The following RBMS3 variants were observed in gnomAD, a reference collection of about 807,000 sequenced individuals.
RBMS3 encodes the protein RNA-binding motif, single-stranded-interacting protein 3.
A neutral mutation model predicts 66.8 loss-of-function variants in RBMS3; 27 were observed. The ratio of observed to expected loss-of-function variants is 0.40; its 90% CI spans 0.30 to 0.56. The LOEUF is 0.56. Among genes scored for constraint, RBMS3 ranks in the 20% least tolerant of loss-of-function variants. RBMS3 has a pLI of 0.40. For missense variants in RBMS3, 513 were observed against 549.5 expected (o/e 0.93, Z 0.66); for synonymous variants, 188 against 183.0 (o/e 1.03, Z -0.22).
intron 3 of RBMS3, among the ~76,000 whole-genome samples, chr3:29,521,387 T>C (rs1414114336): frequency 6.6e-6 from 1 of 152,154 alleles, no homozygotes; most frequent in African/African-American, 2.4e-5. Context: ...AGCAGGAAAA[T>C]ATAACTTCTG....
intron 12 of RBMS3, among the ~76,000 whole-genome samples, chr3:29,963,151 A>G (rs1211925156): frequency 6.6e-6 from 1 of 152,064 alleles, no homozygotes; most frequent in Admixed American, 6.6e-5. Context: ...AATTTGATTT[A>G]TCTTTTGGTC....
At chr3:29,723,449 A>G (rs908563113) in intron 4 of RBMS3, among the ~76,000 whole-genome samples, 4 of 152,190 alleles carry the variant, frequency 2.6e-5, no homozygotes, top group Non-Finnish European at 4.4e-5. Flanking sequence ...TCACTTATAT[A>G]AGAAGGAACT....
chr3:29,607,170 TTTATGA>T (rs1443825521), intron 4 of RBMS3, among the ~76,000 whole-genome samples: 1 of 152,022 alleles, frequency 6.6e-6, no homozygotes, highest in African/African-American at 2.4e-5. Flanking sequence ...ATTTTAGATA[TTTATGA>T]TTATTGAGAT....
intron 10 of RBMS3, among the ~76,000 whole-genome samples, chr3:29,905,668 A>G (rs1054681817): frequency 6.6e-6 from 1 of 152,100 alleles, no homozygotes; most frequent in Non-Finnish European, 1.5e-5. Flanking sequence ...GAGGTGTCCA[A>G]TATTTTGGCT....
In RBMS3 at chr3:29,867,511, G is replaced by A. The variant is rs549664498; in HGVS notation, c.638-1347G>A. ...GGCTGGCATTGGATGATCTAGTATGGCCTTGGCTGGAATGTTAGCATGTTA... is the reference window on the plus strand; with the variant it reads ...GGCTGGCATTGGATGATCTAGTATGACCTTGGCTGGAATGTTAGCATGTTA... On this transcript the variant is annotated intron_variant, in intron 6 of 14. Transcript: ENST00000383767. Among the ~76,000 whole-genome samples, 6 of 141,370 alleles carry A rather than the reference G, an allele frequency of 4.2e-5. No homozygotes were observed. In the South Asian group the frequency reaches 1.6e-3, roughly 37 times the overall value. The allele number at this position is 141,370 out of a possible 152,430, so 92.7% of individuals were successfully genotyped here.
At chr3:29,651,760 T>G (rs185323038) in intron 4 of RBMS3, among the ~76,000 whole-genome samples, 209 of 152,262 alleles carry the variant, frequency 1.4e-3, no homozygotes, top group African/African-American at 4.9e-3. Context: ...CCAGAGCAAA[T>G]AGCTGAATGA....
chr3:29,368,745 A>G (rs1415419622), intron 1 of RBMS3, among the ~76,000 whole-genome samples: 7 of 152,198 alleles, frequency 4.6e-5, no homozygotes, highest in Admixed American at 1.3e-4. Flanking sequence ...TAGTTCAATC[A>G]TTGTGGAAAA....
At chr3:29,522,100 ATTGT>A (rs2044882713) in intron 3 of RBMS3, among the ~76,000 whole-genome samples, 1 of 152,226 alleles carries the variant, frequency 6.6e-6, no homozygotes, top group Non-Finnish European at 1.5e-5. Flanking sequence ...TATGAAGAAG[ATTGT>A]TTGCACAGAG....
intron 1 of RBMS3, among the ~76,000 whole-genome samples, chr3:29,318,166 C>T (rs1381268201): frequency 6.6e-6 from 1 of 151,748 alleles, no homozygotes; most frequent in Non-Finnish European, 1.5e-5. Context: ...GCATTTGTAA[C>T]ATTCATAATA....
intron 4 of RBMS3, among the ~76,000 whole-genome samples, chr3:29,689,259 A>G (rs1382581691): frequency 6.6e-6 from 1 of 151,840 alleles, no homozygotes; most frequent in African/African-American, 2.4e-5. Context: ...CCTTAAATTA[A>G]GCAAAATTCA....
intron 4 of RBMS3, among the ~76,000 whole-genome samples, chr3:29,594,867 G>A (rs2047888706): frequency 1.3e-5 from 2 of 152,068 alleles, no homozygotes; most frequent in Non-Finnish European, 1.5e-5. Flanking sequence ...AGCTTATATC[G>A]AATGATTTCC....
rs570411704 is a variant in RBMS3, at chr3:29,328,617, A to T, written c.75+46861A>T. ...AATGTTGCTAGTCTTTTCATGGCCT[A>T]GAAAATTGTTCTCTCTTTTCTTCAC... On this transcript the variant is annotated intron_variant, in intron 1 of 14. Transcript: ENST00000383767. Among the ~76,000 whole-genome samples the T allele has an allele frequency of 3.9e-5, 6 of 152,252 alleles. No individual in the cohort carries two copies. In the East Asian group the frequency reaches 1.2e-3, roughly 29 times the overall value.
intron 4 of RBMS3, among the ~76,000 whole-genome samples, chr3:29,600,892 T>C (rs1376678263): frequency 6.6e-6 from 1 of 152,040 alleles, no homozygotes; most frequent in Non-Finnish European, 1.5e-5. Flanking sequence ...TGAACATTGG[T>C]CACTATGTAA....
chr3:29,288,887 A>G (rs1011877706), intron 1 of RBMS3, among the ~76,000 whole-genome samples: 8 of 152,010 alleles, frequency 5.3e-5, no homozygotes, highest in Non-Finnish European at 1.2e-4. Flanking sequence ...CCCCAAGGGC[A>G]TATAAACAAG....
intron 1 of RBMS3, among the ~76,000 whole-genome samples, chr3:29,416,532 C>A (rs1314325297): frequency 3.4e-5 from 4 of 118,028 alleles, no homozygotes; most frequent in Middle Eastern, 7.6e-3. Context: ...ACTAGTTTCC[C>A]TATTTGCATT....
chr3:29,746,651 C>G (rs2149359139), intron 5 of RBMS3, among the ~76,000 whole-genome samples: 1 of 152,254 alleles, frequency 6.6e-6, no homozygotes, highest in South Asian at 2.1e-4. Flanking sequence ...AAAATCACAG[C>G]TGGAGAGTGA....
At chr3:29,889,138 C>T (rs1431517558) in intron 8 of RBMS3, among the ~76,000 whole-genome samples, 7 of 151,490 alleles carry the variant, frequency 4.6e-5, no homozygotes, top group Non-Finnish European at 1.0e-4. Context: ...TGAACTGGAC[C>T]GTCTGTGATT....
chr3:29,360,797 T>G (rs939626581), intron 1 of RBMS3, among the ~76,000 whole-genome samples: 2 of 152,092 alleles, frequency 1.3e-5, no homozygotes, highest in African/African-American at 2.4e-5. Flanking sequence ...TTTACCATTA[T>G]GTAATGGCCT....
intron 10 of RBMS3, among the ~76,000 whole-genome samples, chr3:29,906,217 T>A (rs937267868): frequency 4.6e-5 from 7 of 152,108 alleles, no homozygotes; most frequent in African/African-American, 1.7e-4. Context: ...AGTTTTTTGC[T>A]GTGGCTATAA....
Sources: gnomAD v4.1 joint callset for allele counts (sites outside exome capture counted in the v4.1 genomes callset) on GRCh38, gnomAD v4.1.1 for gene constraint, MANE v1.5 for transcripts, NCBI Gene and HGNC (gene_info 2026-07-23, HGNC 2026-07-21) for gene names.